VIM: variants seen among roughly 807,000 people sequenced by gnomAD.
VIM encodes the protein epididymis secretory sperm binding protein.
VIM carries 18 observed loss-of-function variants against 50.3 expected under a neutral mutation model. The observed-to-expected ratio is 0.36, with a 90% CI of 0.25 to 0.53. The LOEUF (loss-of-function observed/expected upper bound fraction) is 0.53. Among genes scored for constraint, VIM ranks in the 20% least tolerant of loss-of-function variants. The pLI is 0.91. For synonymous variants in VIM, 245 were observed against 248.5 expected (o/e 0.99, Z 0.13); for missense variants, 551 against 614.7 (o/e 0.90, Z 1.10).
Position 17,235,352 on chromosome 10 carries a change from G to T in VIM, c.1192G>T (p.Ala398Ser). 1 of 1,614,218 alleles carries T rather than the reference G, an allele frequency of 6.2e-7. No individual in the cohort carries two copies. Among genetic ancestry groups the T allele is most frequent in the South Asian group, 1.1e-5 (1 of 91,082 alleles). ...TAAGATGGCCCTTGACATTGAGATT[G>T]CCACCTACAGGAAGCTGCTGGAAGG... ...NVKMALDIEI[A>S]TYRKLLEGEE... Residue 398 changes from alanine (A) to serine (S), a missense_variant, in exon 7 of 10, where the codon GCC becomes TCC. Physicochemically the swap from Ala to Ser is moderately conservative, Grantham distance 99. Around this residue, in one of 3 missense-constraint regions of VIM, gnomAD observed 394 missense variants for 437.5 expected, o/e 0.90. Coordinates refer to ENST00000544301, the MANE Select transcript of VIM (RefSeq NM_003380.5).
chr10:17,229,794 G>C lies in VIM; in HGVS notation c.372G>C (p.Leu124=), dbSNP rs1253507122. Residue 124 remains leucine (L), a synonymous_variant, in exon 2 of 10, where the codon CTG becomes CTC. Coordinates refer to ENST00000544301, the MANE Select transcript of VIM (RefSeq NM_003380.5). ...ACTACATCGACAAGGTGCGCTTCCTGGAGCAGCAGAATAAGATCCTGCTGG... is the reference window on the plus strand; with the variant it reads ...ACTACATCGACAAGGTGCGCTTCCTCGAGCAGCAGAATAAGATCCTGCTGG... ...FANYIDKVRF[L]EQQNKILLAE... 2 of 1,595,508 alleles carry C rather than the reference G, an allele frequency of 1.3e-6. No individual in the cohort carries two copies. Among genetic ancestry groups the C allele is most frequent in the African/African-American group, 2.7e-5 (2 of 74,860 alleles).
At chr10:17,230,200 C>T in intron 2 of VIM, 1 of 627,110 alleles carries the variant, frequency 1.6e-6, no homozygotes, top group Non-Finnish European at 2.8e-6. Flanking sequence ...TCTGTCCCCA[C>T]ACATTGCCCA....
chr10:17,230,561 G>T (rs765174684), intron 2 of VIM, 89 bp from the exon 3 acceptor site: 1 of 1,400,034 alleles, frequency 7.1e-7, no homozygotes, highest in East Asian at 2.3e-5. Context: ...TGCTCTGGAG[G>T]CGCAGAGCGA....
chr10:17,230,739 C>A, intron 3 of VIM, 29 bp downstream of exon 3: 1 of 1,613,652 alleles, frequency 6.2e-7, no homozygotes, highest in Non-Finnish European at 8.5e-7. Flanking sequence ...CACTCGCAGC[C>A]GCCTGACCCC....
intron 5 of VIM, 139 bp downstream of exon 5, chr10:17,234,070 C>G: frequency 1.0e-6 from 1 of 982,320 alleles, no homozygotes; most frequent in Non-Finnish European, 1.6e-6. Flanking sequence ...GTGTTTGCCA[C>G]CACAGCCTCC....
chr10:17,229,316 G>C lies in VIM; in HGVS notation c.-107G>C. The C allele has an allele frequency of 8.3e-7, 1 of 1,201,520 alleles. No individual in the cohort carries two copies. The highest frequency in any genetic ancestry group is 2.1e-5 in the Admixed American group (1 of 48,336). The allele number at this position is 1,201,520 out of a possible 1,614,324, so 74.4% of individuals were successfully genotyped here. A position where few individuals can be genotyped will look rare whatever the true frequency, so the allele number is the denominator to read the frequency against. On this transcript the variant is annotated 5_prime_UTR_variant, in exon 2 of 10. Coordinates refer to ENST00000544301, the MANE Select transcript of VIM (RefSeq NM_003380.5). ...GCTCCGAGGTCCCCGCGCCAGAGAC[G>C]CAGCCGCGCTCCCACCACCCACACC...
At position 17,229,583 on chromosome 10, in the gene VIM, C is replaced by T. The variant is rs1337671316; in HGVS notation, c.161C>T (p.Ala54Val). Residue 54 changes from alanine (A) to valine (V), a missense_variant, in exon 2 of 10, where the codon GCC (alanine) becomes GTC (valine). Ala to Val is a moderately conservative substitution (Grantham distance 64, BLOSUM62 0). Transcript: ENST00000544301. ...LRPSTSRSLY[A>V]SSPGGVYATR... ...CCCAGCACCAGCCGCAGCCTCTACG[C>T]CTCGTCCCCGGGCGGCGTGTATGCC... The T allele has an allele frequency of 2.2e-5, 36 of 1,608,028 alleles. No individual in the cohort carries two copies. Among genetic ancestry groups the T allele is most frequent in the Non-Finnish European group, 3.1e-5 (36 of 1,178,132 alleles).
chr10:17,233,732 G>C (rs111233269), intron 4 of VIM, 38 bp from the exon 5 acceptor site: 8 of 1,614,198 alleles, frequency 5.0e-6, no homozygotes, highest in Non-Finnish European at 1.7e-6. Flanking sequence ...CAGCCCCCAC[G>C]GTTGGCAGAG....
At chr10:17,230,502 G>A in intron 2 of VIM, 148 bp from the exon 3 acceptor site, 1 of 914,380 alleles carries the variant, frequency 1.1e-6, no homozygotes, top group Non-Finnish European at 1.8e-6. Flanking sequence ...CCTGCCGAGG[G>A]CAGCAGGTCT....
At chr10:17,230,121 A>G (rs1244214431) in intron 2 of VIM, 136 bp downstream of exon 2, 6 of 1,158,126 alleles carry the variant, frequency 5.2e-6, no homozygotes, top group Non-Finnish European at 7.1e-6. Flanking sequence ...GAGACAGCGG[A>G]GAGCGGGGCT....
In VIM at chr10:17,235,504, G is replaced by A. The variant is rs73608419; in HGVS notation, c.1229+115G>A. On this transcript the variant is annotated intron_variant, in intron 7 of 9. Coordinates refer to ENST00000544301, the MANE Select transcript of VIM (RefSeq NM_003380.5). The stretch of plus-strand genomic sequence containing the variant: ...TTTAGAAAGTTTCTTTGAGGTAACT[G>A]CTTTCCACTTTTTGTAGAGGAGGAA... The A allele has an allele frequency of 6.0e-3, 6,899 of 1,151,668 alleles. 274 individuals carry two copies. The African/African-American group carries it at 0.091, about 15-fold the overall frequency. The allele number at this position is 1,151,668 out of a possible 1,614,324, so 71.3% of individuals were successfully genotyped here.
At chr10:17,233,995 T>C in intron 5 of VIM, 64 bp downstream of exon 5, 1 of 1,553,976 alleles carries the variant, frequency 6.4e-7, no homozygotes, top group Non-Finnish European at 8.7e-7. Context: ...ACCCCATACC[T>C]GTGTGTGATT....
intron 3 of VIM, 45 bp downstream of exon 3, chr10:17,230,755 A>G: frequency 6.2e-7 from 1 of 1,609,540 alleles, no homozygotes. Context: ...ACCCCACCCA[A>G]CACAACCCAC....
rs537729618 is a variant in VIM at position 17,235,610 on chromosome 10, C to G, written c.1229+221C>G. ...CTGGGATTTGAACCCATAACTCTGT[C>G]AAAGCCTCCACTCCTAACTCCTGTT... On this transcript the variant is annotated intron_variant, in intron 7 of 9. Transcript: ENST00000544301. 6.6e-4 allele frequency: 457 copies of G among 696,760 alleles called. 4 individuals are homozygous for G. The highest frequency in any genetic ancestry group is 6.3e-3 in the South Asian group (347 of 55,038). The allele number at this position is 696,760 out of a possible 1,614,324, so 43.2% of individuals were successfully genotyped here. A position where few individuals can be genotyped will look rare whatever the true frequency, so the allele number is the denominator to read the frequency against.
intron 3 of VIM, 60 bp downstream of exon 3, chr10:17,230,770 A>T: frequency 6.2e-7 from 1 of 1,604,790 alleles, no homozygotes; most frequent in Admixed American, 1.7e-5. Flanking sequence ...ACCCACGAGC[A>T]ATTCTAAAAG....
Position 17,230,004 on chromosome 10 carries a change from A to G in VIM, c.563+19A>G. 1 of 1,600,070 alleles carries G rather than the reference A, an allele frequency of 6.2e-7. No individual in the cohort carries two copies. The highest frequency in any genetic ancestry group is 8.5e-7 in the Non-Finnish European group (1 of 1,174,452). ...GGGAGAAGTAAGGCTGCGCCCATGC[A>G]AGTAGCTGGGCCTCGGGAGGGGGCT... On this transcript the variant is annotated intron_variant, in intron 2 of 9. Coordinates refer to ENST00000544301, the MANE Select transcript of VIM (RefSeq NM_003380.5).
intron 2 of VIM, 59 bp from the exon 3 acceptor site, chr10:17,230,591 G>A (rs1363297514): frequency 6.3e-7 from 1 of 1,596,218 alleles, no homozygotes; most frequent in Non-Finnish European, 8.6e-7. Flanking sequence ...GTTTGGGTGT[G>A]GCCGCCCCGC....
At position 17,229,557 on chromosome 10, in the gene VIM, C is replaced by A. The variant is rs771076339; in HGVS notation, c.135C>A (p.Arg45=). Reference sequence around the variant, plus strand: ...CCTACAGCCTGGGCAGCGCGCTGCGCCCCAGCACCAGCCGCAGCCTCTACG... The same window carrying A: ...CCTACAGCCTGGGCAGCGCGCTGCGACCCAGCACCAGCCGCAGCCTCTACG... The part of the protein sequence containing the change: ...TRTYSLGSAL[R]PSTSRSLYAS... Residue 45 remains arginine, a synonymous_variant, in exon 2 of 10, where the codon CGC becomes CGA. Transcript: ENST00000544301. The A allele has an allele frequency of 6.2e-7, 1 of 1,608,132 alleles. No homozygotes were observed. Among genetic ancestry groups the A allele is most frequent in the African/African-American group, 1.3e-5 (1 of 74,820 alleles).
chr10:17,232,354 C>T (rs1846813086), intron 3 of VIM, among the ~76,000 whole-genome samples: 1 of 152,172 alleles, frequency 6.6e-6, no homozygotes, highest in Non-Finnish European at 1.5e-5. Flanking sequence ...CTCACGCATC[C>T]TTTTGAGAGG....
Sources: allele counts gnomAD v4.1 joint callset (sites outside exome capture counted in the v4.1 genomes callset), GRCh38; gene constraint gnomAD v4.1.1; regional missense constraint gnomAD v4.1.1; transcripts MANE v1.5; gene names NCBI Gene and HGNC (gene_info 2026-07-23, HGNC 2026-07-21).